The following DOCK1 variants were observed in gnomAD, a reference collection of about 807,000 sequenced individuals.
DOCK1 encodes dedicator of cytokinesis protein 1.
Under a neutral mutation model 262.7 loss-of-function variants are expected in DOCK1, and 138 were observed. The observed-to-expected ratio is 0.53, with a 90% CI of 0.46 to 0.61. The LOEUF (loss-of-function observed/expected upper bound fraction) is 0.61. DOCK1 is among the 20% of genes least tolerant of loss of function. The pLI is 0.00. For synonymous variants in DOCK1, 866 were observed against 867.4 expected (o/e 1.00, Z 0.03); for missense variants, 1,908 against 2,370.7 (o/e 0.80, Z 4.05).
At position 127,100,277 on chromosome 10, in the gene DOCK1, G is replaced by A. The variant is rs765530597; in HGVS notation, c.2446-5954G>A. ...GAGGCAGTAGCCGTGCGGCCCAGGTGCTGTTTGTTCCGGGGGGAGTTAACA... is the reference window on the plus strand; with the variant it reads ...GAGGCAGTAGCCGTGCGGCCCAGGTACTGTTTGTTCCGGGGGGAGTTAACA... On this transcript the variant is annotated intron_variant, in intron 23 of 51. Coordinates refer to ENST00000623213, the MANE Select transcript of DOCK1 (RefSeq NM_001290223.2). This position sits in a 1 kb window ranked among gnomAD's most constrained non-coding sequence, Gnocchi z 5.5. 1.4e-4 allele frequency among the ~76,000 whole-genome samples: 22 copies of A among 152,164 alleles called. No individual in the cohort carries two copies. Among genetic ancestry groups the A allele is most frequent in the Non-Finnish European group, 2.2e-4 (15 of 68,020 alleles).
At position 127,142,744 on chromosome 10, in the gene DOCK1, C is replaced by G. The variant is rs375469995; in HGVS notation, c.2847+14980C>G. On this transcript the variant is annotated intron_variant, in intron 27 of 51. Transcript: ENST00000623213. ...CCCTCCAGATAAGGGAACCATCCAC[C>G]CAAACACTCTGTGCCCTGGGGCTGT... Among the ~76,000 whole-genome samples the G allele has an allele frequency of 7.2e-5, 11 of 152,280 alleles. No individual in the cohort carries two copies. The South Asian group carries it at 2.1e-3, about 29-fold the overall frequency.
At chr10:127,061,160 G>A (rs757870081) in intron 22 of DOCK1, among the ~76,000 whole-genome samples, 11 of 152,136 alleles carry the variant, frequency 7.2e-5, no homozygotes, top group Admixed American at 1.3e-4. Flanking sequence ...CCCAGGAAGC[G>A]GTGGTTGCAG....
chr10:127,012,302 G>T lies in DOCK1; in HGVS notation c.1129G>T (p.Gly377Trp). 1 of 1,614,038 alleles carries T rather than the reference G, an allele frequency of 6.2e-7. No individual in the cohort carries two copies. Among genetic ancestry groups the T allele is most frequent in the Non-Finnish European group, 8.5e-7 (1 of 1,179,902 alleles). Residue 377 changes from glycine to tryptophan, a missense_variant, in exon 12 of 52, where the codon GGG becomes TGG. Physicochemically the swap from Gly to Trp is radical, Grantham distance 184. Around this residue, in one of 9 missense-constraint regions of DOCK1, gnomAD observed 57 missense variants for 39.7 expected, o/e 1.44. Transcript: ENST00000623213. This position sits in a 1 kb window ranked among gnomAD's most constrained non-coding sequence, Gnocchi z 4.0. ...ATCCCGTTTTTCACCCAGGGTGGCA[G>T]GGGAGAATGACTTCCTTCAGACTGT... ...MSSRFSPRVAGENDFLQTVIN... is the reference protein window; with the variant it reads ...MSSRFSPRVAWENDFLQTVIN...
chr10:127,037,870 T>C, intron 19 of DOCK1, 54 bp downstream of exon 19: 2 of 1,278,638 alleles, frequency 1.6e-6, no homozygotes, highest in Non-Finnish European at 2.1e-6. Flanking sequence ...TTTTTTTTAA[T>C]GTATGTTAAC....
intron 19 of DOCK1, 30 bp from the exon 20 acceptor site, chr10:127,042,595 A>G (rs1201395857): frequency 2.5e-6 from 4 of 1,607,250 alleles, no homozygotes; most frequent in South Asian, 2.2e-5. Flanking sequence ...GTGGGTTCAC[A>G]TTGTCACCCG....
chr10:127,309,432 CT>C (rs1158100209), intron 29 of DOCK1, among the ~76,000 whole-genome samples: 1 of 151,442 alleles, frequency 6.6e-6, no homozygotes, highest in African/African-American at 2.4e-5. Context: ...TGCAGAAGCT[CT>C]TTAGTTTAAT....
intron 38 of DOCK1, among the ~76,000 whole-genome samples, chr10:127,388,058 C>T (rs2066239856): frequency 6.6e-6 from 1 of 152,098 alleles, no homozygotes; most frequent in Admixed American, 6.5e-5. Flanking sequence ...CACACATGGC[C>T]CCCACACCAC....
intron 16 of DOCK1, among the ~76,000 whole-genome samples, chr10:127,028,283 GTCGGA>G (rs2043015044): frequency 6.6e-6 from 1 of 152,176 alleles, no homozygotes; most frequent in Admixed American, 6.5e-5. Flanking sequence ...CCCAGACCAA[GTCGGA>G]TCTGCTAATG....
chr10:127,221,006 G>T (rs367881674), intron 27 of DOCK1, among the ~76,000 whole-genome samples: 15 of 152,286 alleles, frequency 9.8e-5, no homozygotes, highest in East Asian at 3.9e-4. Context: ...TAGATGTGTG[G>T]TTGCTAAGAG....
intron 1 of DOCK1, among the ~76,000 whole-genome samples, chr10:126,966,110 CA>C (rs2037656821): frequency 6.6e-6 from 1 of 152,124 alleles, no homozygotes; most frequent in Admixed American, 6.6e-5. Flanking sequence ...TGAGTGAGAA[CA>C]TGTGGTGTTT....
chr10:127,241,841 C>T (rs2059275676), intron 27 of DOCK1, among the ~76,000 whole-genome samples: 1 of 152,122 alleles, frequency 6.6e-6, no homozygotes, highest in Non-Finnish European at 1.5e-5. Flanking sequence ...AGAGAGTAAA[C>T]ATGTGGTCCT....
At chr10:127,123,486 G>T (rs541559832) in intron 25 of DOCK1, among the ~76,000 whole-genome samples, 1 of 152,336 alleles carries the variant, frequency 6.6e-6, no homozygotes, top group African/African-American at 2.4e-5. Context: ...AAGCATTCCA[G>T]CCAGCTGGGC....
At chr10:127,438,928 AT>A in intron 48 of DOCK1, 98 bp from the exon 49 acceptor site, 1 of 1,269,424 alleles carries the variant, frequency 7.9e-7, no homozygotes, top group Non-Finnish European at 1.1e-6. Context: ...CACTGCTTTC[AT>A]TGTAAATGTC....
In DOCK1 at chr10:127,370,720, T is replaced by G. The variant is rs542861674; in HGVS notation, c.3433-3061T>G. Among the ~76,000 whole-genome samples, 3 of 152,292 alleles carry G rather than the reference T, an allele frequency of 2.0e-5. No individual in the cohort carries two copies. The East Asian group carries it at 5.8e-4, about 29-fold the overall frequency. On this transcript the variant is annotated intron_variant, in intron 33 of 51. Transcript: ENST00000623213. ...GTTAATTGAATTAACAAGACGTCAATATCGCTTCGAGCACAGCCCCCTGAC... is the reference window on the plus strand; with the variant it reads ...GTTAATTGAATTAACAAGACGTCAAGATCGCTTCGAGCACAGCCCCCTGAC...
intron 27 of DOCK1, among the ~76,000 whole-genome samples, chr10:127,204,916 C>T (rs796905558): frequency 5.3e-5 from 8 of 152,288 alleles, no homozygotes; most frequent in African/African-American, 1.9e-4. Flanking sequence ...CAGTCACCCT[C>T]CCCATTTGAC....
rs371452699 is a variant in DOCK1, at chr10:127,433,315, C to T, written c.4947C>T (p.Arg1649=). 25 of 1,613,934 alleles carry T rather than the reference C, an allele frequency of 1.5e-5. No individual in the cohort carries two copies. The South Asian group carries it at 2.6e-4, about 17-fold the overall frequency. ...PSSLDDRRGS[R]PRSMVRSFTM... ...GTCTGGATGATAGAAGAGGCAGCCG[C>T]CCCCGGTCCATGGTGCGGTCCTTCA... Residue 1649 remains arginine, a synonymous_variant, in exon 48 of 52, where the codon CGC becomes CGT. Coordinates refer to ENST00000623213, the MANE Select transcript of DOCK1 (RefSeq NM_001290223.2).
intron 23 of DOCK1, among the ~76,000 whole-genome samples, chr10:127,098,903 A>T (rs1487708157): frequency 6.6e-6 from 1 of 152,166 alleles, no homozygotes; most frequent in Non-Finnish European, 1.5e-5. Context: ...TCCACAGAGG[A>T]AACTGAAGGT....
chr10:126,998,437 G>A, intron 8 of DOCK1, 188 bp downstream of exon 8: 1 of 656,042 alleles, frequency 1.5e-6, no homozygotes, highest in East Asian at 2.7e-5. Flanking sequence ...CTGGGTCAGG[G>A]TGAACCTTCT....
intron 29 of DOCK1, among the ~76,000 whole-genome samples, chr10:127,286,715 C>T (rs1362852823): frequency 6.6e-6 from 1 of 151,974 alleles, no homozygotes; most frequent in African/African-American, 2.4e-5. Context: ...TTTTTAACAC[C>T]TCTATATTAT....
Sources: gnomAD v4.1 joint callset for allele counts (sites outside exome capture counted in the v4.1 genomes callset) on GRCh38, gnomAD v4.1.1 for gene constraint, gnomAD v4.1.1 regional missense constraint, Gnocchi (gnomAD v3.1) non-coding constraint, MANE v1.5 for transcripts, NCBI Gene and HGNC (gene_info 2026-07-23, HGNC 2026-07-21) for gene names.